The following NDST3 variants were observed in gnomAD, a reference collection of about 807,000 sequenced individuals.
The protein encoded by NDST3 is N-deacetylase and N-sulfotransferase 3.
In NDST3, 58 loss-of-function variants were observed where a neutral mutation model predicts 96.1. That is an observed-to-expected ratio of 0.60 (90% CI 0.49 to 0.75). NDST3 has a LOEUF of 0.75. NDST3 is among the 30% of genes least tolerant of loss of function. The probability of loss-of-function intolerance (pLI) is 0.00; values close to 1 mark genes in which losing one functional copy is unlikely to be tolerated. For synonymous variants in NDST3, 333 were observed against 359.7 expected, an observed-to-expected ratio of 0.93 and a Z score of 0.84; for missense variants, 788 against 1,034.2, an observed-to-expected ratio of 0.76 and a Z score of 3.27.
intron 12 of NDST3, among the ~76,000 whole-genome samples, chr4:118,245,461 C>T (rs908250019): frequency 3.9e-5 from 6 of 152,128 alleles, no homozygotes; most frequent in African/African-American, 9.7e-5. Context: ...AGCTAAGTCA[C>T]GAAGGACTGA....
At chr4:118,036,783 G>GA (rs941024141) in intron 1 of NDST3, among the ~76,000 whole-genome samples, 58 of 150,486 alleles carry the variant, frequency 3.9e-4, no homozygotes, top group Admixed American at 1.4e-3. Flanking sequence ...TACAGGACAA[G>GA]AAAAAAAAAG....
intron 6 of NDST3, among the ~76,000 whole-genome samples, chr4:118,195,076 A>T (rs560533102): frequency 7.2e-5 from 11 of 152,306 alleles, no homozygotes; most frequent in African/African-American, 2.6e-4. Context: ...TGCAATGAAT[A>T]TGTAGATTGC....
chr4:118,228,779 C>T (rs1740078173), intron 8 of NDST3, among the ~76,000 whole-genome samples: 1 of 152,178 alleles, frequency 6.6e-6, no homozygotes. Context: ...CCACAAGCAA[C>T]TACTTTGTAC....
chr4:118,152,673 A>G (rs1445445604), intron 6 of NDST3, among the ~76,000 whole-genome samples: 1 of 152,136 alleles, frequency 6.6e-6, no homozygotes, highest in African/African-American at 2.4e-5. Context: ...TTTGAACCCA[A>G]CAGATGCTTT....
At chr4:118,043,003 A>C (rs1299785566) in intron 1 of NDST3, among the ~76,000 whole-genome samples, 1 of 152,206 alleles carries the variant, frequency 6.6e-6, no homozygotes, top group African/African-American at 2.4e-5. Context: ...AATAGAGTCC[A>C]TTATCTAGGG....
At chr4:118,222,074 T>C (rs917342127) in intron 6 of NDST3, among the ~76,000 whole-genome samples, 1 of 151,800 alleles carries the variant, frequency 6.6e-6, no homozygotes, top group Non-Finnish European at 1.5e-5. Context: ...AAAAGACTAA[T>C]ATCTGCTTCT....
At position 118,206,351 on chromosome 4, in the gene NDST3, C is replaced by G. The variant is rs1211907997; in HGVS notation, c.1540-18140C>G. Among the ~76,000 whole-genome samples, 2 of 144,604 alleles carry G rather than the reference C, an allele frequency of 1.4e-5. 1 individual carries two copies. The highest frequency in any genetic ancestry group is 3.1e-5 in the Non-Finnish European group (2 of 65,232). The allele number at this position is 144,604 out of a possible 152,430, so 94.9% of individuals were successfully genotyped here. ...AAGCCTAAAGGCTAACCTATTTGGA[C>G]CTTTAGGTGGGTAATATTTGAGATG... On this transcript the variant is annotated intron_variant, in intron 6 of 13. Transcript: ENST00000296499.
At position 118,253,524 on chromosome 4, in the gene NDST3, T is replaced by C; in HGVS notation, c.2425T>C (p.Cys809Arg). 6.2e-6 allele frequency: 10 copies of C among 1,611,676 alleles called. No individual in the cohort carries two copies. Among genetic ancestry groups the C allele is most frequent in the Non-Finnish European group, 8.5e-6 (10 of 1,178,562 alleles). ...LTFDSHKGFW[C>R]QLLEEGKTKC... ...GTTTGATTCTCATAAAGGTTTCTGG[T>C]GTCAGTTACTGGAAGAAGGTAAAAC... is the stretch of plus-strand genomic sequence containing the variant. Residue 809 changes from cysteine to arginine, a missense_variant, in exon 13 of 14, where the codon TGT becomes CGT. Around this residue, in one of 3 missense-constraint regions of NDST3, gnomAD observed 490 missense variants for 708.8 expected, o/e 0.69. Transcript: ENST00000296499.
chr4:118,061,474 T>C (rs532912471), intron 2 of NDST3, among the ~76,000 whole-genome samples: 6 of 152,284 alleles, frequency 3.9e-5, no homozygotes, highest in African/African-American at 1.4e-4. Context: ...GGAAGGAATA[T>C]TTACACTGTA....
intron 1 of NDST3, among the ~76,000 whole-genome samples, chr4:118,052,350 T>C (rs1725128044): frequency 6.6e-6 from 1 of 151,868 alleles, no homozygotes. Context: ...CATGGACATA[T>C]ACACAAGAAC....
intron 10 of NDST3, among the ~76,000 whole-genome samples, chr4:118,239,323 T>C (rs1740870560): frequency 6.6e-6 from 1 of 152,090 alleles, no homozygotes; most frequent in African/African-American, 2.4e-5. Context: ...AGGAACATAG[T>C]AGGGAAAGGT....
At chr4:118,079,507 CGA>C (rs1360557610) in intron 2 of NDST3, among the ~76,000 whole-genome samples, 1 of 151,880 alleles carries the variant, frequency 6.6e-6, no homozygotes, top group African/African-American at 2.4e-5. Flanking sequence ...CTGGTGTAAT[CGA>C]GAGAGAGAAG....
chr4:118,238,219 GAA>G (rs1280672567), intron 10 of NDST3, among the ~76,000 whole-genome samples: 6 of 125,770 alleles, frequency 4.8e-5, no homozygotes, highest in Non-Finnish European at 8.4e-5. Flanking sequence ...AAGAAAGAAA[GAA>G]AGAAAAAGAA....
chr4:118,238,468 T>C (rs1740824670), intron 10 of NDST3, among the ~76,000 whole-genome samples: 1 of 152,116 alleles, frequency 6.6e-6, no homozygotes, highest in South Asian at 2.1e-4. Context: ...TAACCACCAG[T>C]TGGAAGGGTT....
rs1166955224 is a variant in NDST3, at chr4:118,204,875, C to T, written c.1540-19616C>T. Among the ~76,000 whole-genome samples the T allele has an allele frequency of 1.4e-5, 2 of 144,356 alleles. 1 individual carries two copies. The allele number at this position is 144,356 out of a possible 152,430, so 94.7% of individuals were successfully genotyped here. On this transcript the variant is annotated intron_variant, in intron 6 of 13. Transcript: ENST00000296499. ...AGCAGAGAAAGTTAACAGAGCAATT[C>T]TAACACAAATATAGTTGCTTATCAT...
rs543741238 is a variant in NDST3, at chr4:118,209,559, A to G, written c.1540-14932A>G. Among the ~76,000 whole-genome samples, 185 of 152,374 alleles carry G rather than the reference A, an allele frequency of 1.2e-3. 1 individual carries two copies. Among genetic ancestry groups the G allele is most frequent in the African/African-American group, 3.8e-3 (159 of 41,584 alleles). The stretch of plus-strand genomic sequence containing the variant: ...CTTTTGACACCTAACAGAAATGTTA[A>G]TTGATCATCAATCTTTAGCTCGTAA... On this transcript the variant is annotated intron_variant, in intron 6 of 13. Transcript: ENST00000296499.
intron 1 of NDST3, among the ~76,000 whole-genome samples, chr4:118,049,798 C>T (rs1018355481): frequency 6.6e-6 from 1 of 151,342 alleles, no homozygotes; most frequent in Non-Finnish European, 1.5e-5. Context: ...CGAATTGTAC[C>T]AGACATACTA....
intron 2 of NDST3, among the ~76,000 whole-genome samples, chr4:118,072,260 G>A (rs1277919396): frequency 2.0e-5 from 3 of 151,788 alleles, no homozygotes; most frequent in African/African-American, 7.3e-5. Flanking sequence ...TTCTAATTCT[G>A]TGAAGAATGT....
At chr4:118,040,867 TTATATATATATATATTTA>T (rs1398039577) in intron 1 of NDST3, among the ~76,000 whole-genome samples, 19 of 42,634 alleles carry the variant, frequency 4.5e-4, no homozygotes, top group Non-Finnish European at 1.3e-3. Context: ...TTATATATTT[TTATATATATATATATTTA>T]TATATATATA....
Sources: gnomAD v4.1 joint callset for allele counts (sites outside exome capture counted in the v4.1 genomes callset) on GRCh38, gnomAD v4.1.1 for gene constraint, gnomAD v4.1.1 regional missense constraint, MANE v1.5 for transcripts, NCBI Gene and HGNC (gene_info 2026-07-23, HGNC 2026-07-21) for gene names.